Variants in CFAP141 observed in about 807,000 individuals in gnomAD.
CFAP141 encodes the protein cilia and flagella associated protein 141.
the CFAP141 span, among the ~76,000 whole-genome samples, chr1:154,199,864 A>AG: frequency 5.9e-5 from 9 of 152,062 alleles, no homozygotes; most frequent in African/African-American, 2.2e-4. Flanking sequence ...ATACGCACTA[A>AG]GAGGCAGTTT....
the CFAP141 span, chr1:154,199,621 T>A: frequency 3.5e-6 from 3 of 853,420 alleles, no homozygotes; most frequent in Non-Finnish European, 5.6e-6. Context: ...TTATTTGTGT[T>A]CTCTTGGAGC....
the CFAP141 span, among the ~76,000 whole-genome samples, chr1:154,203,172 A>T: frequency 1.0e-4 from 3 of 29,508 alleles, no homozygotes; most frequent in Non-Finnish European, 2.0e-4. Flanking sequence ...TGACTGGGCA[A>T]ATATATATAT....
At chr1:154,205,534 AG>A in the CFAP141 span, 1 of 1,469,942 alleles carries the variant, frequency 6.8e-7, no homozygotes, top group Admixed American at 1.7e-5. Context: ...GAGGTGGCTC[AG>A]GGAAGACAGC....
the CFAP141 span, among the ~76,000 whole-genome samples, chr1:154,200,899 G>A: frequency 6.6e-6 from 1 of 152,202 alleles, no homozygotes; most frequent in South Asian, 2.1e-4. Flanking sequence ...GGTCAGGCTG[G>A]TCTCGAACTC....
At chr1:154,205,657 C>T in the CFAP141 span, 3 of 1,612,320 alleles carry the variant, frequency 1.9e-6, no homozygotes, top group East Asian at 2.2e-5. Context: ...AAAGGTAGTT[C>T]TGTTGATCTG....
the CFAP141 span, among the ~76,000 whole-genome samples, chr1:154,203,456 G>T: frequency 6.6e-6 from 1 of 151,042 alleles, no homozygotes; most frequent in South Asian, 2.1e-4. Flanking sequence ...TTGAGACAGG[G>T]TCTCATTCTG....
At chr1:154,203,355 G>A in the CFAP141 span, among the ~76,000 whole-genome samples, 1 of 148,384 alleles carries the variant, frequency 6.7e-6, no homozygotes, top group Non-Finnish European at 1.5e-5. Context: ...TGCCTCCCAG[G>A]TTCAAGCAAT....
At chr1:154,206,311 T>C in the CFAP141 span, 1 of 1,613,794 alleles carries the variant, frequency 6.2e-7, no homozygotes, top group Non-Finnish European at 8.5e-7. Context: ...CAGACATGTC[T>C]ATAGATTTGC....
At chr1:154,206,252 C>T in the CFAP141 span, 3 of 1,612,390 alleles carry the variant, frequency 1.9e-6, no homozygotes, top group Non-Finnish European at 2.5e-6. Context: ...TTCAACCCAG[C>T]CCCTCCTTCC....
the CFAP141 span, among the ~76,000 whole-genome samples, chr1:154,200,886 A>G: frequency 0.096 from 14,505 of 151,758 alleles, 2,309 homozygotes; most frequent in African/African-American, 0.33. Context: ...GTTTCACCAT[A>G]TTGGTCAGGC....
the CFAP141 span, among the ~76,000 whole-genome samples, chr1:154,204,448 ATTAAG>A: frequency 2.0e-5 from 3 of 152,102 alleles, no homozygotes; most frequent in Admixed American, 6.6e-5. Context: ...ATTTATTTAA[ATTAAG>A]TTTTTTGGTA....
At chr1:154,205,645 G>A in the CFAP141 span, 1 of 1,613,552 alleles carries the variant, frequency 6.2e-7, no homozygotes, top group Non-Finnish European at 8.5e-7. Context: ...AACTCTGCAA[G>A]AAAAGGTAGT....
chr1:154,203,454 G>A, the CFAP141 span, among the ~76,000 whole-genome samples: 2 of 151,026 alleles, frequency 1.3e-5, no homozygotes, highest in East Asian at 2.0e-4. Flanking sequence ...TTTTGAGACA[G>A]GGTCTCATTC....
the CFAP141 span, among the ~76,000 whole-genome samples, chr1:154,202,487 A>T: frequency 6.6e-6 from 1 of 151,822 alleles, no homozygotes; most frequent in South Asian, 2.1e-4. Context: ...CATGTTGAAA[A>T]AATTGAATCT....
chr1:154,199,625 T>C, the CFAP141 span: 2 of 826,906 alleles, frequency 2.4e-6, no homozygotes, highest in Non-Finnish European at 1.9e-6. Flanking sequence ...TTGTGTTCTC[T>C]TGGAGCTGGA....
chr1:154,200,653 C>G, the CFAP141 span: 5 of 1,519,428 alleles, frequency 3.3e-6, no homozygotes, highest in African/African-American at 5.6e-5. Context: ...GACAAAAAAC[C>G]CATAGAGTGA....
the CFAP141 span, chr1:154,205,607 G>C: frequency 6.2e-7 from 1 of 1,613,734 alleles, no homozygotes; most frequent in African/African-American, 1.3e-5. Flanking sequence ...CCTGTCGACC[G>C]TCTTCTTAAG....
chr1:154,205,955 A>G, the CFAP141 span, among the ~76,000 whole-genome samples: 1 of 152,124 alleles, frequency 6.6e-6, no homozygotes, highest in Non-Finnish European at 1.5e-5. Flanking sequence ...CGCCCACCTC[A>G]GCCTCCCAAA....
the CFAP141 span, among the ~76,000 whole-genome samples, chr1:154,204,423 C>T: frequency 2.0e-5 from 3 of 152,084 alleles, no homozygotes; most frequent in African/African-American, 7.2e-5. Flanking sequence ...AAGAACTAGG[C>T]ATCAGTGCTT....
Sources: allele counts gnomAD v4.1 joint callset (sites outside exome capture counted in the v4.1 genomes callset), GRCh38; gene constraint gnomAD v4.1.1; transcripts MANE v1.5; gene names NCBI Gene and HGNC (gene_info 2026-07-23, HGNC 2026-07-21).